The following PDGFRA variants were observed in gnomAD, a reference collection of about 807,000 sequenced individuals.
PDGFRA encodes the protein platelet-derived growth factor receptor alpha.
A neutral mutation model predicts 121.5 loss-of-function variants in PDGFRA; 25 were observed. The ratio of observed to expected loss-of-function variants is 0.21; its 90% CI spans 0.15 to 0.29. The LOEUF (loss-of-function observed/expected upper bound fraction) is 0.29, where lower values mean the gene tolerates loss of function less well. Among genes scored for constraint, PDGFRA ranks in the 10% least tolerant of loss-of-function variants. PDGFRA has a pLI of 1.00. For missense variants in PDGFRA, 1,008 were observed against 1,345.1 expected, an observed-to-expected ratio of 0.75 and a Z score of 3.92; for synonymous variants, 463 against 494.8, an observed-to-expected ratio of 0.94 and a Z score of 0.85.
intron 1 of PDGFRA, among the ~76,000 whole-genome samples, chr4:54,234,165 G>GTGATGGGGATGATGATGGGGA (rs1553898489): frequency 7.2e-5 from 11 of 152,234 alleles, no homozygotes; most frequent in African/African-American, 1.2e-4. Context: ...CCAGCTCCCG[G>GTGATGGGGATGATGATGGGGA]TGATGGGGAT....
At chr4:54,281,377 A>C (rs1176111328) in intron 16 of PDGFRA, among the ~76,000 whole-genome samples, 2 of 152,240 alleles carry the variant, frequency 1.3e-5, no homozygotes, top group Non-Finnish European at 2.9e-5. Flanking sequence ...TGAAAGGTAC[A>C]ATCCATTTAA....
chr4:54,294,042 G>A (rs1388168434), intron 22 of PDGFRA, among the ~76,000 whole-genome samples: 1 of 152,120 alleles, frequency 6.6e-6, no homozygotes, highest in Non-Finnish European at 1.5e-5. Context: ...TTGTTTATTT[G>A]TATGGACTGG....
intron 22 of PDGFRA, among the ~76,000 whole-genome samples, chr4:54,290,766 T>A (rs1724590520): frequency 6.6e-6 from 1 of 152,142 alleles, no homozygotes; most frequent in South Asian, 2.1e-4. Context: ...GGGATGTGCA[T>A]GTTGTGGGGA....
intron 4 of PDGFRA, 80 bp downstream of exon 4, chr4:54,264,007 T>C (rs1722903243): frequency 8.9e-6 from 12 of 1,342,582 alleles, no homozygotes; most frequent in Non-Finnish European, 1.2e-5. Context: ...TTTTTTTTTT[T>C]TTAAATCATC....
Position 54,233,256 on chromosome 4 carries a change from TTGG to T in PDGFRA, c.-13+3845_-13+3847del, listed in dbSNP as rs543898396. On this transcript the variant is annotated intron_variant, in intron 1 of 22. Coordinates refer to ENST00000257290, the MANE Select transcript of PDGFRA (RefSeq NM_006206.6). ...CCGGGACAACCAAGCCGCCGAGGAC[TTGG>T]TGGAGGTGGGAGGGAGAGCGGACCG... 1.1e-4 allele frequency among the ~76,000 whole-genome samples: 16 copies of T among 152,196 alleles called. No individual in the cohort carries two copies. In the South Asian group the frequency reaches 3.1e-3, roughly 30 times the overall value.
chr4:54,265,160 C>A, intron 5 of PDGFRA, 111 bp downstream of exon 5: 1 of 1,000,176 alleles, frequency 1.0e-6, no homozygotes. Flanking sequence ...TTCTCTAGAC[C>A]TTAGCTTCCC....
intron 5 of PDGFRA, among the ~76,000 whole-genome samples, chr4:54,266,064 C>G (rs533110126): frequency 6.6e-6 from 1 of 152,208 alleles, no homozygotes; most frequent in Non-Finnish European, 1.5e-5. Flanking sequence ...CATTTACAGT[C>G]CAACAAATGT....
chr4:54,263,191 G>A (rs545795763), intron 3 of PDGFRA, among the ~76,000 whole-genome samples: 11 of 152,202 alleles, frequency 7.2e-5, no homozygotes, highest in East Asian at 3.9e-4. Context: ...AATAAAACTC[G>A]AAATATTTTT....
At chr4:54,272,546 C>CT (rs778694606) in intron 9 of PDGFRA, 26 bp downstream of exon 9, 1 of 1,609,682 alleles carries the variant, frequency 6.2e-7, no homozygotes, top group Non-Finnish European at 8.5e-7. Context: ...GTGTCTTCTT[C>CT]TTTCGTGGTC....
intron 7 of PDGFRA, among the ~76,000 whole-genome samples, chr4:54,268,262 C>T (rs1723150290): frequency 6.6e-6 from 1 of 152,184 alleles, no homozygotes. Context: ...GGATCCCTAC[C>T]TTTTAATCAG....
At chr4:54,290,676 T>C (rs1173911795) in intron 22 of PDGFRA, 122 bp downstream of exon 22, 5 of 1,114,278 alleles carry the variant, frequency 4.5e-6, no homozygotes, top group Non-Finnish European at 6.8e-6. Context: ...AGGGACAAGT[T>C]GCAGAATCCT....
intron 19 of PDGFRA, among the ~76,000 whole-genome samples, chr4:54,288,005 C>A (rs189911241): frequency 2.6e-5 from 4 of 152,280 alleles, no homozygotes; most frequent in Admixed American, 2.6e-4. Context: ...AACCCAGGTG[C>A]TGAACAACCC....
rs774507815 is a variant in PDGFRA at position 54,277,465 on chromosome 4, A to C, written c.1864A>C (p.Met622Leu). 6.2e-7 allele frequency: 1 copy of C among 1,613,848 alleles called. No homozygotes were observed. The highest frequency in any genetic ancestry group is 8.5e-7 in the Non-Finnish European group (1 of 1,179,726). Residue 622 changes from methionine (M) to leucine (L), a missense_variant, in exon 13 of 23, where the codon ATG (methionine) becomes CTG (leucine). This residue lies in a region of PDGFRA where 61 missense variants were observed against 125.3 expected (regional missense o/e 0.49). Coordinates refer to ENST00000257290, the MANE Select transcript of PDGFRA (RefSeq NM_006206.6). Reference protein sequence around the residue: ...AYGLSRSQPVMKVAVKMLKPT... With the variant: ...AYGLSRSQPVLKVAVKMLKPT... ...TGGATTAAGCCGGTCCCAACCTGTCATGAAAGTTGCAGTGAAGATGCTAAA... is the reference window on the plus strand; with the variant it reads ...TGGATTAAGCCGGTCCCAACCTGTCCTGAAAGTTGCAGTGAAGATGCTAAA...
In PDGFRA at chr4:54,289,072, G is replaced by C. The variant is rs2110345913; in HGVS notation, c.2838G>C (p.Leu946=). The C allele has an allele frequency of 1.2e-6, 2 of 1,609,988 alleles. No homozygotes were observed. The highest frequency in any genetic ancestry group is 1.7e-6 in the Non-Finnish European group (2 of 1,176,302). The part of the protein sequence containing the change: ...EPEKRPSFYH[L]SEIVENLLPG... The stretch of plus-strand genomic sequence containing the variant: ...AGAAGAGACCCTCCTTTTACCACCT[G>C]AGTGAGATTGTGGAGAATCTGCTGC... Residue 946 remains leucine, a synonymous_variant, in exon 21 of 23, where the codon CTG becomes CTC. Coordinates refer to ENST00000257290, the MANE Select transcript of PDGFRA (RefSeq NM_006206.6).
In PDGFRA at chr4:54,261,107, T is replaced by C. The variant is rs1334714267; in HGVS notation, c.62T>C (p.Ile21Thr). The C allele has an allele frequency of 6.2e-7, 1 of 1,613,996 alleles. No homozygotes were observed. Among genetic ancestry groups the C allele is most frequent in the Non-Finnish European group, 8.5e-7 (1 of 1,179,952 alleles). Residue 21 changes from isoleucine to threonine, a missense_variant, in exon 3 of 23, where the codon ATC (isoleucine) becomes ACC (threonine). Ile to Thr is a moderately conservative substitution (Grantham distance 89, BLOSUM62 -1). Around this residue, in one of 5 missense-constraint regions of PDGFRA, gnomAD observed 575 missense variants for 701.8 expected, o/e 0.82. Transcript: ENST00000257290. The stretch of plus-strand genomic sequence containing the variant: ...CTTCCTTTTGCAGGGCTGAGCCTAA[T>C]CCTCTGCCAGCTTTCATTACCCTCT... ...LGCLLTGLSL[I>T]LCQLSLPSIL...
rs559561357 is a variant in PDGFRA at position 54,253,485 on chromosome 4, C to A, written c.-12-5272C>A. On this transcript the variant is annotated intron_variant, in intron 1 of 22. Coordinates refer to ENST00000257290, the MANE Select transcript of PDGFRA (RefSeq NM_006206.6). ...AGGATGGGGGTAAAGCACAAGTCACCTGCCTGAGAGTCAACAGAGCAGGGG... is the reference window on the plus strand; with the variant it reads ...AGGATGGGGGTAAAGCACAAGTCACATGCCTGAGAGTCAACAGAGCAGGGG... Among the ~76,000 whole-genome samples, 4 of 152,268 alleles carry A rather than the reference C, an allele frequency of 2.6e-5. No individual in the cohort carries two copies. The South Asian group carries it at 8.3e-4, about 32-fold the overall frequency.
intron 1 of PDGFRA, among the ~76,000 whole-genome samples, chr4:54,255,062 T>G (rs997100999): frequency 6.6e-6 from 1 of 152,142 alleles, no homozygotes; most frequent in African/African-American, 2.4e-5. Context: ...AGGGCACAGC[T>G]TTTGCATCAC....
chr4:54,290,715 T>C (rs1194637807), intron 22 of PDGFRA, among the ~76,000 whole-genome samples, 161 bp downstream of exon 22: 1 of 152,232 alleles, frequency 6.6e-6, no homozygotes, highest in Non-Finnish European at 1.5e-5. Flanking sequence ...TTGAAAATGC[T>C]TCCCAGATGA....
intron 18 of PDGFRA, 50 bp downstream of exon 18, chr4:54,286,013 T>A (rs2110338691): frequency 1.3e-6 from 2 of 1,584,030 alleles, no homozygotes; most frequent in Non-Finnish European, 1.7e-6. Context: ...TTCACTTTAA[T>A]CTCTAAAGTC....
Sources: gnomAD v4.1 joint callset for allele counts (sites outside exome capture counted in the v4.1 genomes callset) on GRCh38, gnomAD v4.1.1 for gene constraint, gnomAD v4.1.1 regional missense constraint, MANE v1.5 for transcripts, NCBI Gene and HGNC (gene_info 2026-07-23, HGNC 2026-07-21) for gene names.